CCL28: variants seen among roughly 807,000 people sequenced by gnomAD.
The protein encoded by CCL28 is C-C motif chemokine ligand 28.
In CCL28, 4 loss-of-function variants were observed where a neutral mutation model predicts 7.1. That is an observed-to-expected ratio of 0.56 (90% CI 0.28 to 1.29). The LOEUF is 1.29. CCL28 is among the 50% of genes most tolerant of loss of function. The pLI, the probability that CCL28 is intolerant of heterozygous loss-of-function variation, is 0.11. For missense variants in CCL28, 151 were observed against 163.4 expected (o/e 0.92, Z 0.41); for synonymous variants, 55 against 57.8 (o/e 0.95, Z 0.22).
At chr5:43,376,289 G>A (rs1739886440), downstream of CCL28, among the ~76,000 whole-genome samples, 1 of 152,148 alleles carries the variant, frequency 6.6e-6, no homozygotes, top group Non-Finnish European at 1.5e-5. Flanking sequence ...TGGGGTTAGA[G>A]GAGATTTTTA....
At chr5:43,394,135 T>C (rs909864666) in intron 1 of CCL28, among the ~76,000 whole-genome samples, 3 of 152,226 alleles carry the variant, frequency 2.0e-5, no homozygotes, top group African/African-American at 7.2e-5. Flanking sequence ...TCTTCAAGTT[T>C]ACACATACAC....
chr5:43,388,817 C>T (rs891532680), intron 1 of CCL28, among the ~76,000 whole-genome samples: 12 of 152,178 alleles, frequency 7.9e-5, no homozygotes, highest in African/African-American at 2.9e-4. Flanking sequence ...AAGCATCATT[C>T]GTTCAGCAAA....
At chr5:43,399,849 C>CTT (rs796272225) in intron 1 of CCL28, among the ~76,000 whole-genome samples, 71 of 138,994 alleles carry the variant, frequency 5.1e-4, no homozygotes, top group African/African-American at 1.7e-3. Context: ...TATTTCTTTT[C>CTT]TTTTTTTTTT....
At chr5:43,364,325 A>T in the CCL28 span, among the ~76,000 whole-genome samples, 2 of 151,958 alleles carry the variant, frequency 1.3e-5, no homozygotes, top group Non-Finnish European at 2.9e-5. Flanking sequence ...GTGTATGTAC[A>T]TGTACATGTG....
chr5:43,375,053 G>A (rs538122990), downstream of CCL28, among the ~76,000 whole-genome samples: 90 of 151,626 alleles, frequency 5.9e-4, no homozygotes, highest in Non-Finnish European at 9.7e-4. Flanking sequence ...GCAATACTGC[G>A]GTCTCAGCTC....
chr5:43,384,852 A>G (rs918706028), intron 2 of CCL28, among the ~76,000 whole-genome samples: 1 of 152,180 alleles, frequency 6.6e-6, no homozygotes, highest in Non-Finnish European at 1.5e-5. Flanking sequence ...ATTTTCTCAC[A>G]ACAAAAAATG....
chr5:43,411,739 C>T (rs1177668561), intron 1 of CCL28, among the ~76,000 whole-genome samples: 1 of 152,180 alleles, frequency 6.6e-6, no homozygotes, highest in East Asian at 1.9e-4. Flanking sequence ...GCTCTGCCCT[C>T]CCTTTTTAAA....
chr5:43,393,512 G>A (rs1043937746), intron 1 of CCL28, among the ~76,000 whole-genome samples: 9 of 152,030 alleles, frequency 5.9e-5, no homozygotes, highest in African/African-American at 1.9e-4. Flanking sequence ...CAGCCACCAT[G>A]CCCAGCTAAT....
At chr5:43,408,886 T>C (rs1741417213) in intron 1 of CCL28, among the ~76,000 whole-genome samples, 1 of 132,692 alleles carries the variant, frequency 7.5e-6, no homozygotes, top group Non-Finnish European at 1.6e-5. Flanking sequence ...TTTTTGGTAA[T>C]TTTTTACTTT....
intron 1 of CCL28, among the ~76,000 whole-genome samples, chr5:43,400,750 A>G (rs1740993725): frequency 6.6e-6 from 1 of 152,206 alleles, no homozygotes; most frequent in Non-Finnish European, 1.5e-5. Flanking sequence ...GATATAAAAG[A>G]TTCACTTAGC....
intron 2 of CCL28, among the ~76,000 whole-genome samples, chr5:43,383,542 G>A (rs548197540): frequency 2.0e-5 from 3 of 152,086 alleles, no homozygotes; most frequent in Non-Finnish European, 2.9e-5. Context: ...ATCTTAATAA[G>A]AGAATAATAT....
At chr5:43,409,709 ACT>A (rs1257385160) in intron 1 of CCL28, among the ~76,000 whole-genome samples, 2 of 151,898 alleles carry the variant, frequency 1.3e-5, no homozygotes, top group Non-Finnish European at 2.9e-5. Flanking sequence ...GCAATTTGGG[ACT>A]CACTGCAGCA....
chr5:43,369,264 T>C, the CCL28 span, among the ~76,000 whole-genome samples: 1 of 152,102 alleles, frequency 6.6e-6, no homozygotes, highest in African/African-American at 2.4e-5. Flanking sequence ...TTTTAGAAGA[T>C]TCCCCACCAG....
chr5:43,389,524 A>G (rs1236273232), intron 1 of CCL28, among the ~76,000 whole-genome samples: 1 of 152,214 alleles, frequency 6.6e-6, no homozygotes, highest in East Asian at 1.9e-4. Flanking sequence ...CTGTGGCCCA[A>G]GCAACTCTAA....
At chr5:43,400,482 G>A (rs1740985799) in intron 1 of CCL28, among the ~76,000 whole-genome samples, 1 of 152,148 alleles carries the variant, frequency 6.6e-6, no homozygotes, top group African/African-American at 2.4e-5. Context: ...ACTGCGCCTG[G>A]CAGATTTTGG....
chr5:43,387,393 G>T (rs1330163037), intron 2 of CCL28, among the ~76,000 whole-genome samples: 1 of 152,180 alleles, frequency 6.6e-6, no homozygotes, highest in Non-Finnish European at 1.5e-5. Context: ...AAATACCAAT[G>T]CAGTTCAGAT....
At chr5:43,377,569 A>G (rs1048482296), downstream of CCL28, 1 of 151,268 alleles carries the variant, frequency 6.6e-6, no homozygotes, top group Non-Finnish European at 1.5e-5. Flanking sequence ...GAAGACAAGT[A>G]TATTATTGAA....
At position 43,410,531 on chromosome 5, in the gene CCL28, C is replaced by T. The variant is rs554844042; in HGVS notation, c.64+1722G>A. Among the ~76,000 whole-genome samples the T allele has an allele frequency of 3.3e-5, 5 of 152,274 alleles. No individual in the cohort carries two copies. In the East Asian group the frequency reaches 9.7e-4, roughly 29 times the overall value. The stretch of plus-strand genomic sequence containing the variant: ...CCAGCAGCCGTACCTTTTCACACAC[C>T]TCTGCATTTTGCCGTTCCACCCCAC... On this transcript the variant is annotated intron_variant, in intron 1 of 2. Transcript: ENST00000361115.
downstream of CCL28, among the ~76,000 whole-genome samples, chr5:43,377,974 C>T (rs1739952591): frequency 7.5e-6 from 1 of 132,914 alleles, no homozygotes; most frequent in Middle Eastern, 3.4e-3. Context: ...CCTCGTGATC[C>T]GCCCGCCTCG....
Sources: allele counts gnomAD v4.1 joint callset (sites outside exome capture counted in the v4.1 genomes callset), GRCh38; gene constraint gnomAD v4.1.1; transcripts MANE v1.5; gene names NCBI Gene and HGNC (gene_info 2026-07-23, HGNC 2026-07-21).